The following MAFK variants were observed in gnomAD, a reference collection of about 807,000 sequenced individuals.
The protein encoded by MAFK is MAF bZIP transcription factor K.
A neutral mutation model predicts 9.2 loss-of-function variants in MAFK; 1 was observed. The ratio of observed to expected loss-of-function variants is 0.11; its 90% CI spans 0.04 to 0.52. The LOEUF (loss-of-function observed/expected upper bound fraction) is 0.52, where lower values mean the gene tolerates loss of function less well. Among genes scored for constraint, MAFK ranks in the 20% least tolerant of loss-of-function variants. MAFK has a pLI of 0.94. For synonymous variants in MAFK, 110 were observed against 107.4 expected (o/e 1.02, Z -0.15); for missense variants, 207 against 236.0 (o/e 0.88, Z 0.81).
At chr7:1,533,621 A>G (rs1015294493) in intron 1 of MAFK, among the ~76,000 whole-genome samples, 2 of 152,124 alleles carry the variant, frequency 1.3e-5, no homozygotes, top group Non-Finnish European at 2.9e-5. Context: ...GGGTGAGGGC[A>G]TCCCATTTGG....
chr7:1,532,980 C>T lies in MAFK; in HGVS notation c.-45+2082C>T, dbSNP rs115948897. ...TCCGCGAATGGAAGATGCCTTTCCCCGCTATTTATTTTTGCTTTTTATAAG... is the reference window on the plus strand; with the variant it reads ...TCCGCGAATGGAAGATGCCTTTCCCTGCTATTTATTTTTGCTTTTTATAAG... On this transcript the variant is annotated intron_variant, in intron 1 of 2. Coordinates refer to ENST00000343242, the MANE Select transcript of MAFK (RefSeq NM_002360.4). The surrounding 1 kb of genome is among the most constrained non-coding windows in gnomAD (Gnocchi z 4.5). Among the ~76,000 whole-genome samples, 311 of 152,324 alleles carry T rather than the reference C, an allele frequency of 2.0e-3. 2 individuals are homozygous for T. Among genetic ancestry groups the T allele is most frequent in the African/African-American group, 7.1e-3 (296 of 41,552 alleles).
rs1489174579 is a variant in MAFK, at chr7:1,534,683, T to C, written c.-45+3785T>C. ...GCTGGGCAGCTGAGGGGGTGGGGCATGGAGTCTGTGTCATCATTCACCCCT... is the reference window on the plus strand; with the variant it reads ...GCTGGGCAGCTGAGGGGGTGGGGCACGGAGTCTGTGTCATCATTCACCCCT... On this transcript the variant is annotated intron_variant, in intron 1 of 2. Coordinates refer to ENST00000343242, the MANE Select transcript of MAFK (RefSeq NM_002360.4). The surrounding 1 kb of genome is among the most constrained non-coding windows in gnomAD (Gnocchi z 4.3). The C allele has an allele frequency of 8.8e-6, 4 of 455,368 alleles. No homozygotes were observed. Among genetic ancestry groups the C allele is most frequent in the East Asian group, 1.4e-4 (2 of 14,384 alleles). 28.2% of individuals were successfully genotyped at this position (455,368 alleles called of 1,614,324 possible).
chr7:1,539,930 TGGCCCCCCA>T lies in MAFK; in HGVS notation c.37-8_37del. On this transcript the variant is annotated splice_acceptor_variant and splice_polypyrimidine_tract_variant and intron_variant, in intron 2 of 2. Coordinates refer to ENST00000343242, the MANE Select transcript of MAFK (RefSeq NM_002360.4). LOFTEE classifies it high-confidence loss of function. Reference sequence around the variant, plus strand: ...TTCTCCCGCCGCTGACCCCGCACTGTGGCCCCCCAGGTCAAGAAGGAGGCGGGCGAGAAC... The same window carrying T: ...TTCTCCCGCCGCTGACCCCGCACTGTGGTCAAGAAGGAGGCGGGCGAGAAC... 1 of 1,515,478 alleles carries T rather than the reference TGGCCCCCCA, an allele frequency of 6.6e-7. No individual in the cohort carries two copies. The highest frequency in any genetic ancestry group is 8.9e-7 in the Non-Finnish European group (1 of 1,127,312). The allele number at this position is 1,515,478 out of a possible 1,614,324, so 93.9% of individuals were successfully genotyped here.
At position 1,540,466 on chromosome 7, in the gene MAFK, T is replaced by A. The variant is rs1241985069; in HGVS notation, c.*91T>A. 3 of 1,258,458 alleles carry A rather than the reference T, an allele frequency of 2.4e-6. No individual in the cohort carries two copies. Among genetic ancestry groups the A allele is most frequent in the Non-Finnish European group, 3.2e-6 (3 of 930,310 alleles). 78.0% of individuals were successfully genotyped at this position (1,258,458 alleles called of 1,614,324 possible). A position where few individuals can be genotyped will look rare whatever the true frequency, so the allele number is the denominator to read the frequency against. On this transcript the variant is annotated 3_prime_UTR_variant, in exon 3 of 3. Transcript: ENST00000343242. ...GTACCTGTCACTGGGATGCAGACTC[T>A]CGACATCCGAGTCCAAGCGCAGGCC... is the stretch of plus-strand genomic sequence containing the variant.
chr7:1,536,274 G>C (rs1370508657), intron 1 of MAFK, among the ~76,000 whole-genome samples: 1 of 152,174 alleles, frequency 6.6e-6, no homozygotes, highest in South Asian at 2.1e-4. Context: ...AGAGGAGCTC[G>C]GGGTGTCGGG....
Position 1,540,326 on chromosome 7 carries a change from A to G in MAFK, c.422A>G (p.Lys141Arg). Residue 141 changes from lysine to arginine, a missense_variant, in exon 3 of 3, where the codon AAG (lysine) becomes AGG (arginine). Transcript: ENST00000343242. ...VATTSVITIV[K>R]STELSSTSVP... ...ACCACCAGCGTCATCACCATCGTCA[A>G]GTCCACCGAGCTCTCCTCCACCTCC... 6.2e-7 allele frequency: 1 copy of G among 1,605,304 alleles called. No individual in the cohort carries two copies. Among genetic ancestry groups the G allele is most frequent in the Non-Finnish European group, 8.5e-7 (1 of 1,175,402 alleles).
intron 1 of MAFK, 52 bp from the exon 2 acceptor site, chr7:1,539,097 G>C (rs1408470584): frequency 1.4e-5 from 21 of 1,460,794 alleles, no homozygotes; most frequent in Non-Finnish European, 2.0e-5. Flanking sequence ...ACCCTGTCCG[G>C]CGCTGCCGGC....
At chr7:1,537,270 G>A (rs1784053643) in intron 1 of MAFK, 8 of 555,178 alleles carry the variant, frequency 1.4e-5, no homozygotes, top group South Asian at 7.8e-5. Flanking sequence ...CTGCCACGGC[G>A]GGCAGTGGGC....
rs1306134178 is a variant in MAFK at position 1,540,610 on chromosome 7, C to A, written c.*235C>A. On this transcript the variant is annotated 3_prime_UTR_variant, in exon 3 of 3. Transcript: ENST00000343242. ...CACACTCACGCCCGCCACCTGCTCC[C>A]CGCAGGATGTGTCTGTGTGTGGGAA... 7.5e-6 allele frequency: 4 copies of A among 532,866 alleles called. No homozygotes were observed. In the African/African-American group the frequency reaches 7.9e-5, roughly 11 times the overall value. 33.0% of individuals were successfully genotyped at this position (532,866 alleles called of 1,614,324 possible).
At chr7:1,538,756 A>G in intron 1 of MAFK, 1 of 215,246 alleles carries the variant, frequency 4.6e-6, no homozygotes, top group South Asian at 5.9e-5. Flanking sequence ...GACCTCAGGG[A>G]GAGTCAGAAC....
chr7:1,537,740 G>C, intron 1 of MAFK: 1 of 980,574 alleles, frequency 1.0e-6, no homozygotes, highest in Non-Finnish European at 1.2e-6. Flanking sequence ...GGTTGCGGGG[G>C]TGGGGCCCCC....
chr7:1,536,562 G>C (rs150842939), intron 1 of MAFK, among the ~76,000 whole-genome samples: 4 of 152,190 alleles, frequency 2.6e-5, no homozygotes, highest in African/African-American at 2.4e-5. Context: ...ATGTGAGGTC[G>C]GACAGTTCAC....
Position 1,542,261 on chromosome 7 carries a change from T to G in MAFK, c.*1886T>G, listed in dbSNP as rs1784210244. 6.6e-6 allele frequency: 1 copy of G among 152,630 alleles called. No homozygotes were observed. Among genetic ancestry groups the G allele is most frequent in the Non-Finnish European group, 1.5e-5 (1 of 68,044 alleles). The allele number at this position is 152,630 out of a possible 1,614,324, so 9.5% of individuals were successfully genotyped here. A position where few individuals can be genotyped will look rare whatever the true frequency, so the allele number is the denominator to read the frequency against. ...AGAGATATAAAATTATATTCACAGT[T>G]TATCTACAGATTTTTCGTAACAATC... is the stretch of plus-strand genomic sequence containing the variant. On this transcript the variant is annotated 3_prime_UTR_variant, in exon 3 of 3. Coordinates refer to ENST00000343242, the MANE Select transcript of MAFK (RefSeq NM_002360.4).
At chr7:1,533,867 C>T (rs992054862) in intron 1 of MAFK, among the ~76,000 whole-genome samples, 4 of 151,946 alleles carry the variant, frequency 2.6e-5, no homozygotes, top group Non-Finnish European at 4.4e-5. Flanking sequence ...AGCCCCAGGG[C>T]GGCCGGGGGA....
At chr7:1,538,420 G>A in intron 1 of MAFK, 12 of 985,324 alleles carry the variant, frequency 1.2e-5, no homozygotes, top group Non-Finnish European at 1.4e-5. Context: ...AGCTTAGGTG[G>A]AGGTGGTGAT....
Position 1,534,846 on chromosome 7 carries a change from C to T in MAFK, c.-45+3948C>T, listed in dbSNP as rs954241144. The T allele has an allele frequency of 5.2e-5, 18 of 344,462 alleles. No individual in the cohort carries two copies. The highest frequency in any genetic ancestry group is 3.9e-4 in the Middle Eastern group (1 of 2,534). 21.3% of individuals were successfully genotyped at this position (344,462 alleles called of 1,614,324 possible). A position where few individuals can be genotyped will look rare whatever the true frequency, so the allele number is the denominator to read the frequency against. On this transcript the variant is annotated intron_variant, in intron 1 of 2. Transcript: ENST00000343242. The surrounding 1 kb of genome is among the most constrained non-coding windows in gnomAD (Gnocchi z 4.3). Reference sequence around the variant, plus strand: ...CCGTTTCTCTATGGGCATCCACAGCCGGGACCGTTCAGAGGGGTCATCCAG... The same window carrying T: ...CCGTTTCTCTATGGGCATCCACAGCTGGGACCGTTCAGAGGGGTCATCCAG...
In MAFK at chr7:1,540,220, G is replaced by T; in HGVS notation, c.316G>T (p.Ala106Ser). ...CAGCAGCATGCGGCTGGAGCTGGAC[G>T]CCCTGCGCTCCAAGTACGAGGCGCT... ...ENSSMRLELD[A>S]LRSKYEALQT... is the part of the protein sequence containing the mutation. Residue 106 changes from alanine to serine, a missense_variant, in exon 3 of 3, where the codon GCC (alanine) becomes TCC (serine). Ala to Ser is a moderately conservative substitution (Grantham distance 99). Transcript: ENST00000343242. 6.3e-7 allele frequency: 1 copy of T among 1,599,838 alleles called. No homozygotes were observed. Among genetic ancestry groups the T allele is most frequent in the Non-Finnish European group, 8.5e-7 (1 of 1,174,286 alleles).
intron 1 of MAFK, among the ~76,000 whole-genome samples, chr7:1,531,210 A>G (rs1329148683): frequency 6.7e-6 from 1 of 148,790 alleles, no homozygotes; most frequent in Non-Finnish European, 1.5e-5. Context: ...GAGGACGAGG[A>G]TCCACGCGGG....
chr7:1,535,881 G>C (rs1422567323), intron 1 of MAFK, among the ~76,000 whole-genome samples: 1 of 152,202 alleles, frequency 6.6e-6, no homozygotes, highest in Non-Finnish European at 1.5e-5. Flanking sequence ...GGAAAGGGGC[G>C]CCCGGCGTCC....
Sources: gnomAD v4.1 joint callset for allele counts (sites outside exome capture counted in the v4.1 genomes callset) on GRCh38, gnomAD v4.1.1 for gene constraint, Gnocchi (gnomAD v3.1) non-coding constraint, MANE v1.5 for transcripts, NCBI Gene and HGNC (gene_info 2026-07-23, HGNC 2026-07-21) for gene names.